The following MARK1 variants were observed in gnomAD, a reference collection of about 807,000 sequenced individuals.
MARK1 encodes the protein microtubule affinity regulating kinase 1, also known as serine/threonine-protein kinase MARK1.
In MARK1, 40 loss-of-function variants were observed where a neutral mutation model predicts 96.3. The observed-to-expected ratio is 0.42, with a 90% CI of 0.32 to 0.54. The LOEUF is 0.54. MARK1 is among the 20% of genes least tolerant of loss of function. The pLI is 0.16. For synonymous variants in MARK1, 317 were observed against 341.2 expected (o/e 0.93, Z 0.78); for missense variants, 719 against 984.6 (o/e 0.73, Z 3.61).
At chr1:220,565,955 G>C (rs189751921) in intron 1 of MARK1, among the ~76,000 whole-genome samples, 2 of 152,092 alleles carry the variant, frequency 1.3e-5, no homozygotes, top group Non-Finnish European at 2.9e-5. Context: ...GGTTTGGGGA[G>C]GTAGCTCTAG....
chr1:220,536,778 G>A (rs190426112), intron 1 of MARK1, among the ~76,000 whole-genome samples: 4 of 152,128 alleles, frequency 2.6e-5, no homozygotes, highest in East Asian at 3.9e-4. Context: ...AACAGGTTTC[G>A]CCATGTTGGC....
At chr1:220,635,738 A>T in intron 12 of MARK1, 95 bp from the exon 13 acceptor site, 2 of 1,219,670 alleles carry the variant, frequency 1.6e-6, no homozygotes, top group Non-Finnish European at 2.3e-6. Context: ...TAAAGCATGC[A>T]AATATGGATA....
chr1:220,623,483 G>A (rs1344866210), intron 9 of MARK1, among the ~76,000 whole-genome samples: 1 of 152,106 alleles, frequency 6.6e-6, no homozygotes, highest in Non-Finnish European at 1.5e-5. Flanking sequence ...CTTCCATTCT[G>A]AGAAGATTAC....
intron 3 of MARK1, among the ~76,000 whole-genome samples, chr1:220,592,592 C>G (rs1350452627): frequency 6.6e-6 from 1 of 152,148 alleles, no homozygotes. Flanking sequence ...GCTTGGAATA[C>G]TGAGCCGCAG....
chr1:220,590,149 T>G (rs776644508), intron 3 of MARK1, among the ~76,000 whole-genome samples: 1 of 152,190 alleles, frequency 6.6e-6, no homozygotes, highest in African/African-American at 2.4e-5. Context: ...CTTTCTTTCA[T>G]GCAGCCAGCT....
chr1:220,604,173 A>C, intron 6 of MARK1, 36 bp downstream of exon 6: 1 of 1,427,158 alleles, frequency 7.0e-7, no homozygotes, highest in Non-Finnish European at 9.9e-7. Flanking sequence ...TTTTGCTGAT[A>C]ATTGTAGCGA....
intron 13 of MARK1, among the ~76,000 whole-genome samples, chr1:220,637,880 T>C (rs947704756): frequency 2.0e-5 from 3 of 151,380 alleles, no homozygotes; most frequent in Non-Finnish European, 4.4e-5. Flanking sequence ...GATACCAAAA[T>C]GCGCAAAATT....
intron 16 of MARK1, among the ~76,000 whole-genome samples, chr1:220,655,356 C>T (rs1383928544): frequency 6.6e-6 from 1 of 152,208 alleles, no homozygotes; most frequent in Non-Finnish European, 1.5e-5. Flanking sequence ...TTCTGCTGAA[C>T]TGCAGACTCA....
intron 3 of MARK1, among the ~76,000 whole-genome samples, chr1:220,586,001 A>G (rs534629920): frequency 0.039 from 1,361 of 34,672 alleles, 21 homozygotes; most frequent in African/African-American, 0.062. Flanking sequence ...ACACACACAC[A>G]CACACACACA....
intron 16 of MARK1, among the ~76,000 whole-genome samples, chr1:220,656,563 T>C (rs1669188299): frequency 6.6e-6 from 1 of 152,228 alleles, no homozygotes; most frequent in Admixed American, 6.5e-5. Context: ...CATCTGTGTA[T>C]ATCAGTTCAT....
At chr1:220,573,383 G>A (rs751924889) in intron 1 of MARK1, among the ~76,000 whole-genome samples, 1 of 152,062 alleles carries the variant, frequency 6.6e-6, no homozygotes. Flanking sequence ...GAGTGCAGTG[G>A]CATGATCTTG....
intron 1 of MARK1, among the ~76,000 whole-genome samples, chr1:220,552,905 G>T (rs1661964686): frequency 6.6e-6 from 1 of 152,148 alleles, no homozygotes; most frequent in Non-Finnish European, 1.5e-5. Flanking sequence ...GGAGCTCAGT[G>T]TTGTTCTATG....
chr1:220,626,979 C>T (rs1667380930), intron 9 of MARK1: 1 of 520,706 alleles, frequency 1.9e-6, no homozygotes, highest in African/African-American at 1.9e-5. Context: ...ACAGAGATCC[C>T]TAATGAGCTT....
chr1:220,594,282 C>T (rs572696460), intron 3 of MARK1, among the ~76,000 whole-genome samples: 1 of 152,316 alleles, frequency 6.6e-6, no homozygotes, highest in East Asian at 1.9e-4. Context: ...AGATACTCCA[C>T]ATCATATGTC....
intron 9 of MARK1, chr1:220,628,132 C>G (rs1319432292): frequency 6.6e-6 from 1 of 152,260 alleles, no homozygotes; most frequent in Non-Finnish European, 1.5e-5. Flanking sequence ...ACTCACTCAT[C>G]TGTTTGCTGT....
chr1:220,605,673 C>T (rs529936349), intron 6 of MARK1, among the ~76,000 whole-genome samples: 1 of 150,500 alleles, frequency 6.6e-6, no homozygotes, highest in African/African-American at 2.5e-5. Flanking sequence ...CAGCCCCCCA[C>T]CCCACGACAG....
rs780583760 is a variant in MARK1, at chr1:220,654,939, A to G, written c.1988+1587A>G. Among the ~76,000 whole-genome samples the G allele has an allele frequency of 6.6e-6, 1 of 152,234 alleles. No individual in the cohort carries two copies. Among genetic ancestry groups the G allele is most frequent in the East Asian group, 1.9e-4 (1 of 5,202 alleles). On this transcript the variant is annotated intron_variant, in intron 16 of 17. Coordinates refer to ENST00000366917, the MANE Select transcript of MARK1 (RefSeq NM_018650.5). The surrounding 1 kb of genome is among the most constrained non-coding windows in gnomAD (Gnocchi z 4.0). ...AGCTGGTCTGTTGGGAGGTTCTGAT[A>G]AAGATTGCCATATAGTCTTTGAACA...
chr1:220,612,038 C>A (rs1666475586), intron 6 of MARK1, among the ~76,000 whole-genome samples: 1 of 152,168 alleles, frequency 6.6e-6, no homozygotes, highest in South Asian at 2.1e-4. Context: ...CAGCCACACA[C>A]ATCGTTTTAA....
At chr1:220,548,361 A>G (rs1661639629) in intron 1 of MARK1, among the ~76,000 whole-genome samples, 1 of 152,250 alleles carries the variant, frequency 6.6e-6, no homozygotes, top group Non-Finnish European at 1.5e-5. Flanking sequence ...ATTTTGTTAG[A>G]TTTACTAAAT....
Sources: allele counts gnomAD v4.1 joint callset (sites outside exome capture counted in the v4.1 genomes callset), GRCh38; gene constraint gnomAD v4.1.1; non-coding constraint Gnocchi (gnomAD v3.1); transcripts MANE v1.5; gene names NCBI Gene and HGNC (gene_info 2026-07-23, HGNC 2026-07-21).